The following FOXK1 variants were observed in gnomAD, a reference collection of about 807,000 sequenced individuals.
The protein encoded by FOXK1 is forkhead box K1.
Under a neutral mutation model 51.9 loss-of-function variants are expected in FOXK1, and 19 were observed. The observed-to-expected ratio is 0.37, with a 90% CI of 0.26 to 0.54. The LOEUF (loss-of-function observed/expected upper bound fraction) is 0.54. FOXK1 is among the 20% of genes least tolerant of loss of function. The pLI is 0.87. For missense variants in FOXK1, 870 were observed against 1,032.7 expected (o/e 0.84, Z 2.16); for synonymous variants, 537 against 482.6 (o/e 1.11, Z -1.48).
chr7:4,733,306 G>T lies in FOXK1; in HGVS notation c.561-7532G>T, dbSNP rs1780506442. Among the ~76,000 whole-genome samples the T allele has an allele frequency of 1.3e-5, 2 of 152,030 alleles. No homozygotes were observed. Among genetic ancestry groups the T allele is most frequent in the Non-Finnish European group, 2.9e-5 (2 of 68,016 alleles). On this transcript the variant is annotated intron_variant, in intron 1 of 8. Coordinates refer to ENST00000328914, the MANE Select transcript of FOXK1 (RefSeq NM_001037165.2). This position sits in a 1 kb window ranked among gnomAD's most constrained non-coding sequence, Gnocchi z 5.0. The stretch of plus-strand genomic sequence containing the variant: ...ATCCTCCCAGAGTGCTGGGATTATA[G>T]ATGTAAGCCACCCTACCCAGCCACA...
chr7:4,751,063 G>A (rs1230997547), intron 2 of FOXK1, among the ~76,000 whole-genome samples: 2 of 141,444 alleles, frequency 1.4e-5, no homozygotes, highest in Non-Finnish European at 3.0e-5. Context: ...CGCCCAGGCT[G>A]GAGTGCAGTG....
intron 1 of FOXK1, among the ~76,000 whole-genome samples, chr7:4,718,533 A>G (rs1236734744): frequency 2.6e-5 from 4 of 152,160 alleles, no homozygotes; most frequent in Non-Finnish European, 5.9e-5. Flanking sequence ...TTTTCGGCCT[A>G]CTACAAATAC....
In FOXK1 at chr7:4,745,121, AGATCGG is replaced by A. The variant is rs1180502108; in HGVS notation, c.746+4101_746+4106del. Among the ~76,000 whole-genome samples, 2 of 152,148 alleles carry A rather than the reference AGATCGG, an allele frequency of 1.3e-5. No homozygotes were observed. The highest frequency in any genetic ancestry group is 2.9e-5 in the Non-Finnish European group (2 of 68,004). ...CTCCTCTCTGGCTGCGCTCCCTAAC[AGATCGG>A]GAGGTGGGAGCGGGGCCAGGCCAGA... On this transcript the variant is annotated intron_variant, in intron 2 of 8. Transcript: ENST00000328914. The surrounding 1 kb of genome is among the most constrained non-coding windows in gnomAD (Gnocchi z 4.3).
In FOXK1 at chr7:4,753,400, TG is replaced by T. The variant is rs1376880590; in HGVS notation, c.747-1057del. ...GGCGGGAGGAGGAGAATGGACCTTC[TG>T]GATGGTTCTGGATGGTTCTGGGTGG... On this transcript the variant is annotated intron_variant, in intron 2 of 8. Coordinates refer to ENST00000328914, the MANE Select transcript of FOXK1 (RefSeq NM_001037165.2). This position sits in a 1 kb window ranked among gnomAD's most constrained non-coding sequence, Gnocchi z 4.9. Among the ~76,000 whole-genome samples the T allele has an allele frequency of 6.6e-6, 1 of 151,618 alleles. No individual in the cohort carries two copies. The highest frequency in any genetic ancestry group is 1.5e-5 in the Non-Finnish European group (1 of 67,874).
chr7:4,694,304 C>G (rs1687519717), intron 1 of FOXK1, among the ~76,000 whole-genome samples: 1 of 152,004 alleles, frequency 6.6e-6, no homozygotes, highest in South Asian at 2.1e-4. Context: ...AGCAGACTTT[C>G]TGAAAAACTA....
rs190371569 is a variant in FOXK1 at position 4,756,847 on chromosome 7, G to A, written c.1051-147G>A. 1.8e-5 allele frequency: 14 copies of A among 764,282 alleles called. No homozygotes were observed. The highest frequency in any genetic ancestry group is 1.1e-4 in the East Asian group (4 of 35,686). 47.3% of individuals were successfully genotyped at this position (764,282 alleles called of 1,614,324 possible). On this transcript the variant is annotated intron_variant, in intron 4 of 8. Coordinates refer to ENST00000328914, the MANE Select transcript of FOXK1 (RefSeq NM_001037165.2). The surrounding 1 kb of genome is among the most constrained non-coding windows in gnomAD (Gnocchi z 4.1). ...TGCCCTGTGCCTCGGTGCTGCTCCC[G>A]TGAGGCCCAGCCAGCACAGCACCAA... is the stretch of plus-strand genomic sequence containing the variant.
In FOXK1 at chr7:4,682,951, C is replaced by A. The variant is rs1014590955; in HGVS notation, c.560+83C>A. 6.9e-6 allele frequency: 9 copies of A among 1,311,126 alleles called. No individual in the cohort carries two copies. In the South Asian group the frequency reaches 1.1e-4, roughly 16 times the overall value. The allele number at this position is 1,311,126 out of a possible 1,614,324, so 81.2% of individuals were successfully genotyped here. On this transcript the variant is annotated intron_variant, in intron 1 of 8. Coordinates refer to ENST00000328914, the MANE Select transcript of FOXK1 (RefSeq NM_001037165.2). The surrounding 1 kb of genome is among the most constrained non-coding windows in gnomAD (Gnocchi z 7.6). ...TCTGAGGCCCGGGCCTGGGGATCCC[C>A]CTCCAGCTTCCTCGGCCTCGACCCC... is the stretch of plus-strand genomic sequence containing the variant.
Position 4,761,968 on chromosome 7 carries a change from C to T in FOXK1, c.1922-216C>T, listed in dbSNP as rs1439506439. ...TCTAGACAGCAATGAGAGGGGCCTCCACCCAACAGGCTGGAGCCAGCAGAG... is the reference window on the plus strand; with the variant it reads ...TCTAGACAGCAATGAGAGGGGCCTCTACCCAACAGGCTGGAGCCAGCAGAG... On this transcript the variant is annotated intron_variant, in intron 8 of 8. Transcript: ENST00000328914. This position sits in a 1 kb window ranked among gnomAD's most constrained non-coding sequence, Gnocchi z 6.2. Among the ~76,000 whole-genome samples, 2 of 152,108 alleles carry T rather than the reference C, an allele frequency of 1.3e-5. No individual in the cohort carries two copies. The highest frequency in any genetic ancestry group is 1.3e-4 in the Admixed American group (2 of 15,278).
intron 1 of FOXK1, among the ~76,000 whole-genome samples, chr7:4,688,085 G>A (rs1779843265): frequency 6.6e-6 from 1 of 152,046 alleles, no homozygotes; most frequent in African/African-American, 2.4e-5. Flanking sequence ...TAGACATAGA[G>A]TAACAAGCTT....
Position 4,747,354 on chromosome 7 carries a change from C to T in FOXK1, c.746+6331C>T, listed in dbSNP as rs1186299996. 6.6e-6 allele frequency among the ~76,000 whole-genome samples: 1 copy of T among 152,216 alleles called. No homozygotes were observed. Among genetic ancestry groups the T allele is most frequent in the Non-Finnish European group, 1.5e-5 (1 of 68,040 alleles). Reference sequence around the variant, plus strand: ...CCTGCCTAGCTGCGGGGCCGCCTCTCCGCTCAAGCACCCACTCAGCTCTGT... The same window carrying T: ...CCTGCCTAGCTGCGGGGCCGCCTCTTCGCTCAAGCACCCACTCAGCTCTGT... On this transcript the variant is annotated intron_variant, in intron 2 of 8. Coordinates refer to ENST00000328914, the MANE Select transcript of FOXK1 (RefSeq NM_001037165.2). This position sits in a 1 kb window ranked among gnomAD's most constrained non-coding sequence, Gnocchi z 9.2.
At chr7:4,688,461 C>T (rs181969848) in intron 1 of FOXK1, among the ~76,000 whole-genome samples, 3 of 151,786 alleles carry the variant, frequency 2.0e-5, no homozygotes, top group Non-Finnish European at 4.4e-5. Context: ...AGTGCAGTGG[C>T]ACTATCTTGG....
Position 4,758,899 on chromosome 7 carries a change from C to A in FOXK1, c.1245-152C>A. On this transcript the variant is annotated intron_variant, in intron 5 of 8. Transcript: ENST00000328914. This position sits in a 1 kb window ranked among gnomAD's most constrained non-coding sequence, Gnocchi z 4.4. Reference sequence around the variant, plus strand: ...AGTTTTAAAGGCTGGGTTCAGGTTACGGGGGCGTTTCTCACCGTCTGAATG... The same window carrying A: ...AGTTTTAAAGGCTGGGTTCAGGTTAAGGGGGCGTTTCTCACCGTCTGAATG... 1.3e-6 allele frequency: 1 copy of A among 770,190 alleles called. No individual in the cohort carries two copies. The highest frequency in any genetic ancestry group is 2.0e-6 in the Non-Finnish European group (1 of 493,322). The allele number at this position is 770,190 out of a possible 1,614,324, so 47.7% of individuals were successfully genotyped here.
Position 4,759,561 on chromosome 7 carries a change from C to T in FOXK1, c.1662C>T (p.Gly554=), listed in dbSNP as rs972506783. ...CGGGGGGCTCCCATGATGCGGCGGG[C>T]GCAGCCGTGCTGGACCTGGGCAGCG... ...GAAGGSHDAA[G]AAVLDLGSEA... Residue 554 remains glycine, a synonymous_variant, in exon 7 of 9, where the codon GGC becomes GGT. Transcript: ENST00000328914. The T allele has an allele frequency of 3.9e-6, 6 of 1,539,504 alleles. No homozygotes were observed. Among genetic ancestry groups the T allele is most frequent in the South Asian group, 2.4e-5 (2 of 84,246 alleles).
intron 1 of FOXK1, 125 bp from the exon 2 acceptor site, chr7:4,740,713 T>A: frequency 3.2e-6 from 3 of 951,562 alleles, no homozygotes; most frequent in Non-Finnish European, 3.1e-6. Context: ...GAAACTGCTC[T>A]CTGGGGCCCA....
At chr7:4,737,494 G>A (rs967987419) in intron 1 of FOXK1, among the ~76,000 whole-genome samples, 3 of 151,726 alleles carry the variant, frequency 2.0e-5, no homozygotes, top group Admixed American at 2.0e-4. Flanking sequence ...GGGCGTGTGC[G>A]TGGGTGTGTG....
rs1780851454 is a variant in FOXK1 at position 4,756,234 on chromosome 7, C to T, written c.1051-760C>T. On this transcript the variant is annotated intron_variant, in intron 4 of 8. Transcript: ENST00000328914. This position sits in a 1 kb window ranked among gnomAD's most constrained non-coding sequence, Gnocchi z 4.1. ...GGTTCAAGCGATTCTTCTGCTTCAGCCTCCCAAGTAGCTGGGGCTACAGGT... is the reference window on the plus strand; with the variant it reads ...GGTTCAAGCGATTCTTCTGCTTCAGTCTCCCAAGTAGCTGGGGCTACAGGT... Among the ~76,000 whole-genome samples the T allele has an allele frequency of 6.6e-6, 1 of 152,146 alleles. No individual in the cohort carries two copies. The highest frequency in any genetic ancestry group is 2.4e-5 in the African/African-American group (1 of 41,444).
Position 4,766,002 on chromosome 7 carries a change from G to T in FOXK1, c.*3538G>T. ...AGCCGCGGGGCCAGAGGAGCTCAGG[G>T]AGACCTGGCTGTCTAGGGCATGGTA... On this transcript the variant is annotated 3_prime_UTR_variant, in exon 9 of 9. Coordinates refer to ENST00000328914, the MANE Select transcript of FOXK1 (RefSeq NM_001037165.2). The surrounding 1 kb of genome is among the most constrained non-coding windows in gnomAD (Gnocchi z 5.5). 6.6e-6 allele frequency: 1 copy of T among 152,404 alleles called. No homozygotes were observed. 9.4% of individuals were successfully genotyped at this position (152,404 alleles called of 1,614,324 possible).
intron 1 of FOXK1, among the ~76,000 whole-genome samples, chr7:4,710,746 C>T (rs1780164026): frequency 6.6e-6 from 1 of 152,046 alleles, no homozygotes; most frequent in African/African-American, 2.4e-5. Context: ...CTCTGCAGCC[C>T]CAGCGGTGCA....
At position 4,703,280 on chromosome 7, in the gene FOXK1, C is replaced by G. The variant is rs1257745576; in HGVS notation, c.560+20412C>G. 6.6e-6 allele frequency among the ~76,000 whole-genome samples: 1 copy of G among 152,022 alleles called. No individual in the cohort carries two copies. Among genetic ancestry groups the G allele is most frequent in the African/African-American group, 2.4e-5 (1 of 41,388 alleles). On this transcript the variant is annotated intron_variant, in intron 1 of 8. Coordinates refer to ENST00000328914, the MANE Select transcript of FOXK1 (RefSeq NM_001037165.2). The surrounding 1 kb of genome is among the most constrained non-coding windows in gnomAD (Gnocchi z 5.6). ...CCTCCAGCCATTGGGCCTCTCCGCT[C>G]TGGGGTGAGGGGAGGGAGGGGGAGG...
Sources: gnomAD v4.1 joint callset for allele counts (sites outside exome capture counted in the v4.1 genomes callset) on GRCh38, gnomAD v4.1.1 for gene constraint, Gnocchi (gnomAD v3.1) non-coding constraint, MANE v1.5 for transcripts, NCBI Gene and HGNC (gene_info 2026-07-23, HGNC 2026-07-21) for gene names.